The following MAN1C1 variants were observed in gnomAD, a reference collection of about 807,000 sequenced individuals.
The protein encoded by MAN1C1 is mannosidase alpha class 1C member 1.
MAN1C1 carries 49 observed loss-of-function variants against 71.5 expected under a neutral mutation model. The ratio of observed to expected loss-of-function variants is 0.69; its 90% CI spans 0.54 to 0.87. The LOEUF is 0.87. Among genes scored for constraint, MAN1C1 ranks in the 40% least tolerant of loss-of-function variants. The pLI, the probability that MAN1C1 is intolerant of heterozygous loss-of-function variation, is 0.00. For missense variants in MAN1C1, 743 were observed against 835.0 expected (o/e 0.89, Z 1.36); for synonymous variants, 352 against 343.7 (o/e 1.02, Z -0.27).
intron 6 of MAN1C1, among the ~76,000 whole-genome samples, chr1:25,762,719 T>G (rs1472054264): frequency 1.3e-5 from 2 of 152,016 alleles, no homozygotes; most frequent in African/African-American, 4.8e-5. Context: ...TGAGCCACCA[T>G]GCCTGGCTAT....
chr1:25,764,417 G>GT lies in MAN1C1; in HGVS notation c.1141+457dup, dbSNP rs1015005358. Among the ~76,000 whole-genome samples the GT allele has an allele frequency of 6.6e-5, 10 of 151,304 alleles. No homozygotes were observed. The highest frequency in any genetic ancestry group is 2.1e-4 in the South Asian group (1 of 4,772). ...CCACTTCCAACTTCAATTTTTTTTT[G>GT]TTTTTTTGTTTTTGAGACAGAGTCT... On this transcript the variant is annotated intron_variant, in intron 7 of 11. Transcript: ENST00000374332. This position sits in a 1 kb window ranked among gnomAD's most constrained non-coding sequence, Gnocchi z 4.4.
intron 11 of MAN1C1, 69 bp from the exon 12 acceptor site, chr1:25,783,574 AAGGCCCTGAGACTTGTTCCC>A (rs919023502): frequency 3.3e-5 from 48 of 1,463,290 alleles, no homozygotes; most frequent in Non-Finnish European, 5.6e-6. Context: ...GCCTATCACA[AAGGCCCTGAGACTTGTTCCC>A]AGGCCCACCC....
intron 7 of MAN1C1, among the ~76,000 whole-genome samples, chr1:25,770,378 T>C (rs1181389692): frequency 1.3e-5 from 2 of 152,246 alleles, no homozygotes; most frequent in African/African-American, 4.8e-5. Context: ...GTGGCTGGCC[T>C]CCTCTCGACC....
chr1:25,643,001 G>A (rs889166901), intron 1 of MAN1C1, among the ~76,000 whole-genome samples: 4 of 152,192 alleles, frequency 2.6e-5, no homozygotes, highest in Admixed American at 6.5e-5. Flanking sequence ...TGACTCATTT[G>A]TCAGGGTTCT....
At chr1:25,720,110 C>A (rs1322256143) in intron 2 of MAN1C1, among the ~76,000 whole-genome samples, 1 of 152,166 alleles carries the variant, frequency 6.6e-6, no homozygotes, top group Non-Finnish European at 1.5e-5. Flanking sequence ...TTGCATTTCC[C>A]TAATGTCTAA....
intron 7 of MAN1C1, among the ~76,000 whole-genome samples, chr1:25,768,363 T>G (rs1379699404): frequency 1.6e-5 from 1 of 61,528 alleles, no homozygotes; most frequent in Non-Finnish European, 3.1e-5. Context: ...ACACATTACA[T>G]ACACTCCCCC....
At chr1:25,702,610 G>T (rs1457944003) in intron 2 of MAN1C1, among the ~76,000 whole-genome samples, 1 of 152,178 alleles carries the variant, frequency 6.6e-6, no homozygotes, top group Admixed American at 6.5e-5. Context: ...AGGGGGCCTG[G>T]TTCACCATTT....
In MAN1C1 at chr1:25,669,939, T is replaced by C. The variant is rs148914731; in HGVS notation, c.541-16501T>C. ...CCAGGAAAGGAATCTGTCAGGAGAA[T>C]GTTGCTGATCCTCTTTCGGTTCCAA... On this transcript the variant is annotated intron_variant, in intron 1 of 11. Coordinates refer to ENST00000374332, the MANE Select transcript of MAN1C1 (RefSeq NM_020379.4). 6.6e-5 allele frequency among the ~76,000 whole-genome samples: 10 copies of C among 152,344 alleles called. No homozygotes were observed. In the East Asian group the frequency reaches 1.9e-3, roughly 29 times the overall value.
At position 25,630,947 on chromosome 1, in the gene MAN1C1, T is replaced by TTTTGTTTG. The variant is rs75709016; in HGVS notation, c.540+12630_540+12637dup. Among the ~76,000 whole-genome samples, 54 of 151,482 alleles carry TTTTGTTTG rather than the reference T, an allele frequency of 3.6e-4. 1 individual carries two copies. In the South Asian group the frequency reaches 6.1e-3, roughly 17 times the overall value. On this transcript the variant is annotated intron_variant, in intron 1 of 11. Transcript: ENST00000374332. ...CTGGCTAGGACTTCCAGTACTATGT[T>TTTTGTTTG]TTTGTTTGTTTGTTTGTTTGTTTGT... is the stretch of plus-strand genomic sequence containing the variant.
chr1:25,784,003 T>G lies in MAN1C1; in HGVS notation c.*214T>G. On this transcript the variant is annotated 3_prime_UTR_variant, in exon 12 of 12. Transcript: ENST00000374332. ...GGCCATGGCCACACTGGCCCACACA[T>G]TCCTTTCTACAGAGAATTTCTATGA... The G allele has an allele frequency of 1.9e-6, 1 of 539,182 alleles. No individual in the cohort carries two copies. The highest frequency in any genetic ancestry group is 3.2e-5 in the East Asian group (1 of 31,644). 33.4% of individuals were successfully genotyped at this position (539,182 alleles called of 1,614,324 possible).
chr1:25,716,337 G>T (rs1484324809), intron 2 of MAN1C1, among the ~76,000 whole-genome samples: 3 of 152,220 alleles, frequency 2.0e-5, no homozygotes, highest in Admixed American at 6.5e-5. Flanking sequence ...CTCAAATTTA[G>T]TTTTGTTCTT....
chr1:25,621,379 T>A (rs896617716), intron 1 of MAN1C1, among the ~76,000 whole-genome samples: 4 of 152,126 alleles, frequency 2.6e-5, no homozygotes, highest in Non-Finnish European at 4.4e-5. Flanking sequence ...AGAGTAAAGG[T>A]GTTGGCTGGA....
In MAN1C1 at chr1:25,753,525, G is replaced by A; in HGVS notation, c.876G>A (p.Leu292=). The A allele has an allele frequency of 6.2e-7, 1 of 1,613,958 alleles. No homozygotes were observed. The highest frequency in any genetic ancestry group is 1.3e-5 in the African/African-American group (1 of 75,060). ...IKAIRLGEKL[L]PAFNTPTGIP... ...CCATCAGGCTGGGAGAGAAGCTCCT[G>A]CCGGCGTTCAACACCCCCACGGGAA... The change falls in exon 5 of 12, where the codon CTG becomes CTA. Residue 292 remains leucine (L), a synonymous_variant. Coordinates refer to ENST00000374332, the MANE Select transcript of MAN1C1 (RefSeq NM_020379.4). The surrounding 1 kb of genome is among the most constrained non-coding windows in gnomAD (Gnocchi z 4.9).
rs770318122 is a variant in MAN1C1 at position 25,779,100 on chromosome 1, G to C, written c.1477+776G>C. Among the ~76,000 whole-genome samples, 1 of 152,180 alleles carries C rather than the reference G, an allele frequency of 6.6e-6. No individual in the cohort carries two copies. The highest frequency in any genetic ancestry group is 1.5e-5 in the Non-Finnish European group (1 of 68,022). ...CCCCAGCCCCCGTGTGGTCCCAGGAGACGCCCACCGCTCTGAGTGGTAATC... is the reference window on the plus strand; with the variant it reads ...CCCCAGCCCCCGTGTGGTCCCAGGACACGCCCACCGCTCTGAGTGGTAATC... On this transcript the variant is annotated intron_variant, in intron 9 of 11. Transcript: ENST00000374332. This position sits in a 1 kb window ranked among gnomAD's most constrained non-coding sequence, Gnocchi z 4.6.
intron 1 of MAN1C1, among the ~76,000 whole-genome samples, chr1:25,652,335 C>A (rs1282126651): frequency 6.6e-6 from 1 of 152,232 alleles, no homozygotes; most frequent in Non-Finnish European, 1.5e-5. Context: ...CCAAGTAACG[C>A]TGGAACTCTT....
chr1:25,746,549 C>A lies in MAN1C1; in HGVS notation c.638-119C>A, dbSNP rs944441748. 7.8e-5 allele frequency: 63 copies of A among 811,146 alleles called. No homozygotes were observed. Among genetic ancestry groups the A allele is most frequent in the Admixed American group, 4.1e-5 (2 of 49,376 alleles). 50.2% of individuals were successfully genotyped at this position (811,146 alleles called of 1,614,324 possible). On this transcript the variant is annotated intron_variant, in intron 2 of 11. Transcript: ENST00000374332. This position sits in a 1 kb window ranked among gnomAD's most constrained non-coding sequence, Gnocchi z 4.0. Reference sequence around the variant, plus strand: ...GGAGTCCCCCGGATGGTGCCTGAGGCCAGCCTTTGCCACCAAGCCTGCGCT... The same window carrying A: ...GGAGTCCCCCGGATGGTGCCTGAGGACAGCCTTTGCCACCAAGCCTGCGCT...
At chr1:25,620,174 G>C (rs566060571) in intron 1 of MAN1C1, among the ~76,000 whole-genome samples, 1 of 152,292 alleles carries the variant, frequency 6.6e-6, no homozygotes, top group Non-Finnish European at 1.5e-5. Context: ...GGTGGGAAGA[G>C]GGGTGAGGAT....
Position 25,618,034 on chromosome 1 carries a change from G to A in MAN1C1, c.237G>A (p.Glu79=), listed in dbSNP as rs1378935558. The stretch of plus-strand genomic sequence containing the variant: ...GCCATGCCCCGGCCCGCGAGCAGGA[G>A]CCGCCTCCCAACCCGGCCCCCGCCG... ...IAGHAPAREQ[E]PPPNPAPAAP... is the part of the protein sequence containing the mutation. The change falls in exon 1 of 12, where the codon GAG becomes GAA. Residue 79 remains glutamate (E), a synonymous_variant. Coordinates refer to ENST00000374332, the MANE Select transcript of MAN1C1 (RefSeq NM_020379.4). 6.3e-7 allele frequency: 1 copy of A among 1,590,394 alleles called. No homozygotes were observed. Among genetic ancestry groups the A allele is most frequent in the South Asian group, 1.1e-5 (1 of 89,528 alleles).
chr1:25,673,167 G>A (rs1015829692), intron 1 of MAN1C1, among the ~76,000 whole-genome samples: 1 of 152,196 alleles, frequency 6.6e-6, no homozygotes, highest in African/African-American at 2.4e-5. Context: ...GCCAGCAGCA[G>A]GATGACAGCG....
Sources: gnomAD v4.1 joint callset for allele counts (sites outside exome capture counted in the v4.1 genomes callset) on GRCh38, gnomAD v4.1.1 for gene constraint, Gnocchi (gnomAD v3.1) non-coding constraint, MANE v1.5 for transcripts, NCBI Gene and HGNC (gene_info 2026-07-23, HGNC 2026-07-21) for gene names.